The following GARS1 variants were observed in gnomAD, a reference collection of about 807,000 sequenced individuals.
GARS1 encodes the protein glycine--tRNA ligase.
GARS1 carries 46 observed loss-of-function variants against 86.4 expected under a neutral mutation model. The observed-to-expected ratio is 0.53, with a 90% CI of 0.42 to 0.68. GARS1 has a LOEUF of 0.68. GARS1 is among the 30% of genes least tolerant of loss of function. GARS1 has a pLI of 0.00. For synonymous variants in GARS1, 342 were observed against 329.8 expected (o/e 1.04, Z -0.40); for missense variants, 797 against 915.6 (o/e 0.87, Z 1.67).
rs1254251286 is a variant in GARS1 at position 30,601,180 on chromosome 7, C to T, written c.549C>T (p.Leu183=). 3.7e-6 allele frequency: 6 copies of T among 1,613,946 alleles called. No homozygotes were observed. The highest frequency in any genetic ancestry group is 5.1e-6 in the Non-Finnish European group (6 of 1,179,952). Residue 183 remains leucine (L), a synonymous_variant, in exon 4 of 17, where the codon CTC becomes CTT. Transcript: ENST00000389266. ...EQILEIDCTM[L]TPEPVLKTSG... is the part of the protein sequence containing the mutation. ...TCCTGGAGATCGATTGCACCATGCT[C>T]ACCCCTGAGCCAGTTTTAAAGTGAG... is the stretch of plus-strand genomic sequence containing the variant.
chr7:30,608,235 A>G (rs1791521254), intron 6 of GARS1, among the ~76,000 whole-genome samples: 1 of 152,214 alleles, frequency 6.6e-6, no homozygotes, highest in South Asian at 2.1e-4. Flanking sequence ...AAATATAGTA[A>G]TGTTAGATAT....
At chr7:30,599,542 A>G (rs1162079833) in intron 2 of GARS1, among the ~76,000 whole-genome samples, 2 of 152,062 alleles carry the variant, frequency 1.3e-5, no homozygotes, top group Non-Finnish European at 2.9e-5. Context: ...AGCTGGGATT[A>G]CAGGTGCCCA....
At chr7:30,620,219 G>C (rs552993155) in intron 10 of GARS1, among the ~76,000 whole-genome samples, 2 of 152,232 alleles carry the variant, frequency 1.3e-5, no homozygotes, top group South Asian at 4.1e-4. Flanking sequence ...TGAAATAACG[G>C]GTTCTTAAGA....
chr7:30,606,240 G>A (rs1046217934), intron 6 of GARS1, among the ~76,000 whole-genome samples: 1 of 149,912 alleles, frequency 6.7e-6, no homozygotes. Flanking sequence ...GGCCATTGAT[G>A]TCCATTGTTT....
chr7:30,604,783 A>G (rs537055601), intron 6 of GARS1, among the ~76,000 whole-genome samples: 10 of 152,368 alleles, frequency 6.6e-5, no homozygotes, highest in African/African-American at 2.4e-4. Flanking sequence ...ATCCAAAGGC[A>G]TGCCCTTTAT....
intron 11 of GARS1, 151 bp from the exon 12 acceptor site, chr7:30,622,166 G>A (rs759157070): frequency 4.5e-5 from 38 of 851,094 alleles, no homozygotes; most frequent in Non-Finnish European, 7.0e-5. Context: ...GTGGACAGGT[G>A]TTTCATCTTG....
At chr7:30,601,805 G>A (rs1383235784) in intron 4 of GARS1, among the ~76,000 whole-genome samples, 1 of 151,922 alleles carries the variant, frequency 6.6e-6, no homozygotes, top group Non-Finnish European at 1.5e-5. Context: ...GTGAGATGGA[G>A]TCTTGCTCTG....
chr7:30,612,216 C>A lies in GARS1; in HGVS notation c.1002C>A (p.Ile334=). The A allele has an allele frequency of 6.2e-7, 1 of 1,614,126 alleles. No individual in the cohort carries two copies. The highest frequency in any genetic ancestry group is 8.5e-7 in the Non-Finnish European group (1 of 1,179,986). ...TTGGAAATTCTTTTAGAAATGAGAT[C>A]TCCCCTCGATCTGGACTGATCAGAG... The part of the protein sequence containing the change: ...AQIGNSFRNE[I]SPRSGLIRVR... The change falls in exon 8 of 17, where the codon ATC becomes ATA. Residue 334 remains isoleucine, a synonymous_variant. Coordinates refer to ENST00000389266, the MANE Select transcript of GARS1 (RefSeq NM_002047.4).
intron 12 of GARS1, 106 bp downstream of exon 12, chr7:30,622,568 C>A: frequency 7.6e-7 from 1 of 1,321,082 alleles, no homozygotes; most frequent in Non-Finnish European, 1.1e-6. Context: ...CAGGTAAGTA[C>A]TGTATCTTGG....
intron 14 of GARS1, among the ~76,000 whole-genome samples, chr7:30,630,797 A>G (rs1328968535): frequency 6.6e-6 from 1 of 152,210 alleles, no homozygotes; most frequent in African/African-American, 2.4e-5. Context: ...GGCATGAGCC[A>G]CTGTGTCCAG....
At position 30,622,367 on chromosome 7, in the gene GARS1, G is replaced by A. The variant is rs1783029490; in HGVS notation, c.1518G>A (p.Lys506=). The change falls in exon 12 of 17, where the codon AAG becomes AAA. Residue 506 remains lysine, a synonymous_variant. Coordinates refer to ENST00000389266, the MANE Select transcript of GARS1 (RefSeq NM_002047.4). ...AACCCAGTAAGGGAGCAATTGGTAA[G>A]GCATATAAGAAGGATGCAAAACTGG... ...QFEPSKGAIG[K]AYKKDAKLVM... is the part of the protein sequence containing the mutation. The A allele has an allele frequency of 7.4e-6, 12 of 1,614,126 alleles. No individual in the cohort carries two copies. The highest frequency in any genetic ancestry group is 9.3e-6 in the Non-Finnish European group (11 of 1,179,990).
At position 30,603,492 on chromosome 7, in the gene GARS1, AC is replaced by A. The variant is rs1791421299; in HGVS notation, c.659-3del. 1 of 1,611,154 alleles carries A rather than the reference AC, an allele frequency of 6.2e-7. No homozygotes were observed. Among genetic ancestry groups the A allele is most frequent in the Non-Finnish European group, 8.5e-7 (1 of 1,177,706 alleles). On this transcript the variant is annotated splice_polypyrimidine_tract_variant and splice_region_variant and intron_variant, in intron 5 of 16. Transcript: ENST00000389266. ...ATTGATATATGTCAACACTGTTCTT[AC>A]AGCTCATTTACAGAAATTGATGTCT...
At chr7:30,596,927 G>A (rs1791261858) in intron 1 of GARS1, among the ~76,000 whole-genome samples, 1 of 152,118 alleles carries the variant, frequency 6.6e-6, no homozygotes, top group Non-Finnish European at 1.5e-5. Context: ...TTCCGGAGTG[G>A]GATTTTTACT....
intron 9 of GARS1, 119 bp downstream of exon 9, chr7:30,616,177 C>T (rs942772063): frequency 2.8e-6 from 3 of 1,088,492 alleles, no homozygotes; most frequent in African/African-American, 1.6e-5. Flanking sequence ...TGCTTTTTTA[C>T]AGTACTTGGT....
chr7:30,607,050 T>C (rs2128133466), intron 6 of GARS1, among the ~76,000 whole-genome samples: 1 of 152,312 alleles, frequency 6.6e-6, no homozygotes, highest in South Asian at 2.1e-4. Context: ...ATCAGCAATA[T>C]GAATGTTGAA....
chr7:30,613,733 G>A (rs546752372), intron 8 of GARS1, among the ~76,000 whole-genome samples: 1 of 152,172 alleles, frequency 6.6e-6, no homozygotes, highest in Non-Finnish European at 1.5e-5. Flanking sequence ...GGCTAGTTTT[G>A]TTATGTCCCT....
chr7:30,599,914 C>A, intron 2 of GARS1, 33 bp from the exon 3 acceptor site: 31 of 1,231,108 alleles, frequency 2.5e-5, no homozygotes, highest in Non-Finnish European at 3.4e-5. Context: ...ACCCACCCCT[C>A]CACTCACTCA....
intron 16 of GARS1, among the ~76,000 whole-genome samples, chr7:30,633,253 A>G (rs931660734): frequency 7.2e-5 from 11 of 152,192 alleles, no homozygotes; most frequent in Non-Finnish European, 1.6e-4. Flanking sequence ...TCCACCCCAG[A>G]CCTACTGCAT....
At chr7:30,619,589 A>C (rs540291441) in intron 10 of GARS1, among the ~76,000 whole-genome samples, 1 of 152,042 alleles carries the variant, frequency 6.6e-6, no homozygotes, top group East Asian at 1.9e-4. Flanking sequence ...ATACTTAACC[A>C]GTCGACATGT....
Sources: gnomAD v4.1 joint callset for allele counts (sites outside exome capture counted in the v4.1 genomes callset) on GRCh38, gnomAD v4.1.1 for gene constraint, MANE v1.5 for transcripts, NCBI Gene and HGNC (gene_info 2026-07-23, HGNC 2026-07-21) for gene names.